Variants in DOCK9 observed in about 807,000 individuals in gnomAD.
The protein encoded by DOCK9 is dedicator of cytokinesis 9, also known as dedicator of cytokinesis protein 9.
DOCK9 carries 89 observed loss-of-function variants against 263.3 expected under a neutral mutation model. The observed-to-expected ratio is 0.34, with a 90% CI of 0.28 to 0.40. The LOEUF is 0.40. DOCK9 is among the 10% of genes least tolerant of loss of function. DOCK9 has a pLI of 1.00. For missense variants in DOCK9, 2,140 were observed against 2,603.4 expected (o/e 0.82, Z 3.87); for synonymous variants, 976 against 973.1 (o/e 1.00, Z -0.06).
intron 49 of DOCK9, among the ~76,000 whole-genome samples, chr13:98,800,910 T>G (rs548184562): frequency 1.3e-5 from 2 of 152,318 alleles, no homozygotes; most frequent in Admixed American, 1.3e-4. Flanking sequence ...AAAATTCATT[T>G]TTGTCCATAG....
chr13:98,927,840 C>A (rs1349581777), intron 3 of DOCK9, among the ~76,000 whole-genome samples: 1 of 151,850 alleles, frequency 6.6e-6, no homozygotes, highest in South Asian at 2.1e-4. Flanking sequence ...AGGCTGGTCT[C>A]GAACTCCTGA....
At chr13:98,924,022 G>A (rs1331863321) in intron 4 of DOCK9, among the ~76,000 whole-genome samples, 1 of 152,160 alleles carries the variant, frequency 6.6e-6, no homozygotes, top group East Asian at 1.9e-4. Flanking sequence ...AATGCCAAGA[G>A]AGAAAATGTA....
At chr13:98,872,181 T>G (rs958593819) in intron 27 of DOCK9, among the ~76,000 whole-genome samples, 6 of 152,214 alleles carry the variant, frequency 3.9e-5, no homozygotes, top group African/African-American at 1.4e-4. Context: ...CTGGTGTGGT[T>G]TAGAGGCCTC....
chr13:98,838,847 T>C (rs1330429938), intron 38 of DOCK9, among the ~76,000 whole-genome samples: 2 of 152,148 alleles, frequency 1.3e-5, no homozygotes, highest in Admixed American at 1.3e-4. Flanking sequence ...ATTTTGTACA[T>C]AGATCAAGAA....
At chr13:98,851,185 A>G (rs1426881102) in intron 35 of DOCK9, among the ~76,000 whole-genome samples, 1 of 152,270 alleles carries the variant, frequency 6.6e-6, no homozygotes, top group East Asian at 1.9e-4. Flanking sequence ...CCCCATTTAC[A>G]GATGAGCTAA....
chr13:99,039,421 C>G (rs1196554611), intron 1 of DOCK9, among the ~76,000 whole-genome samples: 1 of 152,066 alleles, frequency 6.6e-6, no homozygotes, highest in African/African-American at 2.4e-5. Context: ...AGTTACTTTA[C>G]TTTTTACTAA....
At chr13:98,937,801 C>T (rs1281428007) in intron 2 of DOCK9, among the ~76,000 whole-genome samples, 1 of 151,508 alleles carries the variant, frequency 6.6e-6, no homozygotes, top group Non-Finnish European at 1.5e-5. Flanking sequence ...GTCTCCAAGT[C>T]TAGTTTGGAA....
At chr13:99,087,913 C>G (rs547625934), upstream of DOCK9, 1 of 152,504 alleles carries the variant, frequency 6.6e-6, no homozygotes, top group South Asian at 2.1e-4. Flanking sequence ...CGCCTCCCGC[C>G]CAAATACCCA....
At chr13:98,968,127 G>A (rs1266623695) in intron 1 of DOCK9, among the ~76,000 whole-genome samples, 1 of 152,158 alleles carries the variant, frequency 6.6e-6, no homozygotes, top group Non-Finnish European at 1.5e-5. Context: ...CTTAAAATGT[G>A]ACGATTCTAA....
intron 27 of DOCK9, among the ~76,000 whole-genome samples, chr13:98,873,629 C>T (rs2094247624): frequency 6.6e-6 from 1 of 152,180 alleles, no homozygotes; most frequent in African/African-American, 2.4e-5. Flanking sequence ...TCTTCCCCTC[C>T]CTACTGGCTC....
intron 21 of DOCK9, 71 bp from the exon 22 acceptor site, chr13:98,883,970 G>A: frequency 2.9e-6 from 3 of 1,042,062 alleles, no homozygotes; most frequent in Non-Finnish European, 4.2e-6. Flanking sequence ...TCATCAATGA[G>A]GGTAATGATG....
intron 1 of DOCK9, among the ~76,000 whole-genome samples, chr13:98,976,951 C>T (rs2060335813): frequency 6.6e-6 from 1 of 151,410 alleles, no homozygotes; most frequent in Non-Finnish European, 1.5e-5. Context: ...AAAAAAAAAT[C>T]ACTAAATAAA....
intron 1 of DOCK9, among the ~76,000 whole-genome samples, chr13:99,084,725 T>C (rs2042262230): frequency 6.6e-6 from 1 of 152,220 alleles, no homozygotes; most frequent in Non-Finnish European, 1.5e-5. Flanking sequence ...GTACACTTTA[T>C]TTACTCTTCT....
chr13:98,918,403 A>G (rs2051257083), intron 7 of DOCK9, among the ~76,000 whole-genome samples: 3 of 152,256 alleles, frequency 2.0e-5, no homozygotes, highest in Admixed American at 2.0e-4. Context: ...ACCGAGTCAC[A>G]CATGCATTAG....
chr13:98,807,529 T>C lies in DOCK9; in HGVS notation c.5514+132A>G, dbSNP rs202044934. 947 of 778,696 alleles carry C rather than the reference T, an allele frequency of 1.2e-3. 14 individuals carry two copies. The East Asian group carries it at 0.029, about 24-fold the overall frequency. The allele number at this position is 778,696 out of a possible 1,614,324, so 48.2% of individuals were successfully genotyped here. A position where few individuals can be genotyped will look rare whatever the true frequency, so the allele number is the denominator to read the frequency against. On this transcript the variant is annotated intron_variant, in intron 48 of 52. Coordinates refer to ENST00000682017, the MANE Select transcript of DOCK9 (RefSeq NM_001366683.2). ...AGCACTAAAGGTATCAGGAAGAAAATACACCTGCCACTCACGGCCAACAAT... is the reference window on the plus strand; with the variant it reads ...AGCACTAAAGGTATCAGGAAGAAAACACACCTGCCACTCACGGCCAACAAT...
At position 98,853,492 on chromosome 13, in the gene DOCK9, C is replaced by T. The variant is rs369442011; in HGVS notation, c.3862G>A (p.Val1288Met). 37 of 1,613,430 alleles carry T rather than the reference C, an allele frequency of 2.3e-5. No homozygotes were observed. Among genetic ancestry groups the T allele is most frequent in the East Asian group, 4.5e-5 (2 of 44,874 alleles). Reference sequence around the variant, plus strand: ...TGGTCAAGTTTATCACAGCGAACCACGGAATTTCCCAATGTGCTACTTTGT... The same window carrying T: ...TGGTCAAGTTTATCACAGCGAACCATGGAATTTCCCAATGTGCTACTTTGT... Reference protein sequence around the residue: ...HQQSSTLGNSVVRCDKLDQSE... With the variant: ...HQQSSTLGNSMVRCDKLDQSE... Residue 1288 changes from valine to methionine, a missense_variant, in exon 35 of 53, where the codon GTG (valine) becomes ATG (methionine). Val to Met is a conservative substitution (Grantham distance 21, BLOSUM62 1). Coordinates refer to ENST00000682017, the MANE Select transcript of DOCK9 (RefSeq NM_001366683.2).
In DOCK9 at chr13:98,820,535, C is replaced by G. The variant is rs2092202940; in HGVS notation, c.5130+3863G>C. 4 of 224,190 alleles carry G rather than the reference C, an allele frequency of 1.8e-5. No homozygotes were observed. The South Asian group carries it at 2.0e-4, about 11-fold the overall frequency. The allele number at this position is 224,190 out of a possible 1,614,324, so 13.9% of individuals were successfully genotyped here. On this transcript the variant is annotated intron_variant, in intron 45 of 52. Coordinates refer to ENST00000682017, the MANE Select transcript of DOCK9 (RefSeq NM_001366683.2). ...AAGAAAGTAAAAAGTGGTCAAAGTA[C>G]AGCTACTCCATAGACAGAGGAGGCT... is the stretch of plus-strand genomic sequence containing the variant.
chr13:99,048,053 A>C (rs1398276639), intron 1 of DOCK9, among the ~76,000 whole-genome samples: 1 of 152,242 alleles, frequency 6.6e-6, no homozygotes, highest in African/African-American at 2.4e-5. Context: ...CCTCAATGTC[A>C]GCAAAATCAC....
At position 98,825,908 on chromosome 13, in the gene DOCK9, G is replaced by C. The variant is rs868256635; in HGVS notation, c.5023+922C>G. On this transcript the variant is annotated intron_variant, in intron 44 of 52. Transcript: ENST00000682017. This position sits in a 1 kb window ranked among gnomAD's most constrained non-coding sequence, Gnocchi z 4.1. ...CTCCTCAGGCAGGCGCTATGGCTGT[G>C]GGGGAGAAGGGGCGGCTCCCACTGG... The C allele has an allele frequency of 6.4e-7, 1 of 1,554,908 alleles. No homozygotes were observed. The highest frequency in any genetic ancestry group is 8.7e-7 in the Non-Finnish European group (1 of 1,149,444).
Sources: gnomAD v4.1 joint callset for allele counts (sites outside exome capture counted in the v4.1 genomes callset) on GRCh38, gnomAD v4.1.1 for gene constraint, Gnocchi (gnomAD v3.1) non-coding constraint, MANE v1.5 for transcripts, NCBI Gene and HGNC (gene_info 2026-07-23, HGNC 2026-07-21) for gene names.